ROR1: variants seen among roughly 807,000 people sequenced by gnomAD.
ROR1 encodes the protein ROR family WNT receptor 1.
In ROR1, 19 loss-of-function variants were observed where a neutral mutation model predicts 78.8. The ratio of observed to expected loss-of-function variants is 0.24; its 90% CI spans 0.17 to 0.35. The LOEUF (loss-of-function observed/expected upper bound fraction) is 0.35. Among genes scored for constraint, ROR1 ranks in the 10% least tolerant of loss-of-function variants. The probability of loss-of-function intolerance (pLI) is 1.00; values close to 1 mark genes in which losing one functional copy is unlikely to be tolerated. For synonymous variants in ROR1, 386 were observed against 433.6 expected (o/e 0.89, Z 1.36); for missense variants, 917 against 1,177.8 (o/e 0.78, Z 3.24).
At chr1:63,947,628 C>T (rs903224748) in intron 1 of ROR1, among the ~76,000 whole-genome samples, 2 of 152,076 alleles carry the variant, frequency 1.3e-5, no homozygotes, top group Admixed American at 6.6e-5. Context: ...GGGTGGCCGG[C>T]GGGAGGTGAT....
At chr1:64,167,764 C>T (rs1424354352) in intron 8 of ROR1, among the ~76,000 whole-genome samples, 3 of 152,180 alleles carry the variant, frequency 2.0e-5, no homozygotes, top group Non-Finnish European at 2.9e-5. Context: ...TTGCCATGGA[C>T]AGGTTTTGTT....
At chr1:63,880,903 T>C (rs547961678) in intron 1 of ROR1, among the ~76,000 whole-genome samples, 2 of 152,282 alleles carry the variant, frequency 1.3e-5, no homozygotes, top group African/African-American at 4.8e-5. Context: ...GCACTAGGAA[T>C]TCTTTAGGCC....
At chr1:63,954,664 T>A (rs915050374) in intron 1 of ROR1, among the ~76,000 whole-genome samples, 1 of 152,240 alleles carries the variant, frequency 6.6e-6, no homozygotes, top group Non-Finnish European at 1.5e-5. Context: ...TTTTTTCTTG[T>A]CATTACTTCC....
intron 4 of ROR1, among the ~76,000 whole-genome samples, chr1:64,094,137 C>A (rs1221013791): frequency 6.6e-6 from 1 of 152,176 alleles, no homozygotes; most frequent in East Asian, 1.9e-4. Flanking sequence ...ACTCATAATT[C>A]ATGAAATACT....
chr1:64,009,469 A>G lies in ROR1; in HGVS notation c.163+93A>G. 1.3e-5 allele frequency: 13 copies of G among 984,258 alleles called. No homozygotes were observed. In the South Asian group the frequency reaches 1.6e-4, roughly 12 times the overall value. The allele number at this position is 984,258 out of a possible 1,614,324, so 61.0% of individuals were successfully genotyped here. A position where few individuals can be genotyped will look rare whatever the true frequency, so the allele number is the denominator to read the frequency against. On this transcript the variant is annotated intron_variant, in intron 2 of 8. Coordinates refer to ENST00000371079, the MANE Select transcript of ROR1 (RefSeq NM_005012.4). ...CCTTCTTTGAAATCAACTGTTTTTC[A>G]GATCACTGCAAGGAGGTGGGGGCCA... is the stretch of plus-strand genomic sequence containing the variant.
chr1:64,067,813 A>C (rs144090669), intron 4 of ROR1, among the ~76,000 whole-genome samples: 23,423 of 151,162 alleles, frequency 0.15, 2,703 homozygotes, highest in African/African-American at 0.33. Flanking sequence ...CCCGGGTTCA[A>C]ACCATTCTCC....
rs58636835 is a variant in ROR1, at chr1:63,788,616, T to A, written c.91+14108T>A. ...TGACAGAGTGATCTAATATATATAT[T>A]ATATGTTATATATATATATATATTT... On this transcript the variant is annotated intron_variant, in intron 1 of 8. Transcript: ENST00000371079. 1,453 of 152,180 alleles carry A rather than the reference T, an allele frequency of 9.5e-3. 59 individuals carry two copies. The highest frequency in any genetic ancestry group is 0.091 in the East Asian group (474 of 5,222). The allele number at this position is 152,180 out of a possible 1,614,324, so 9.4% of individuals were successfully genotyped here.
chr1:63,795,208 G>A (rs1030505014), intron 1 of ROR1, among the ~76,000 whole-genome samples: 1 of 152,210 alleles, frequency 6.6e-6, no homozygotes, highest in Non-Finnish European at 1.5e-5. Context: ...AAGCCCCGCT[G>A]AGAGGGCTCT....
chr1:64,168,283 A>G (rs1650141802), intron 8 of ROR1, among the ~76,000 whole-genome samples: 1 of 152,208 alleles, frequency 6.6e-6, no homozygotes, highest in Non-Finnish European at 1.5e-5. Context: ...GGTGTGAGTC[A>G]TAGTTACCAA....
At chr1:64,068,530 C>T (rs1646976206) in intron 4 of ROR1, among the ~76,000 whole-genome samples, 1 of 150,678 alleles carries the variant, frequency 6.6e-6, no homozygotes, top group South Asian at 2.2e-4. Context: ...GTCAATGATT[C>T]TATTTGCACA....
intron 2 of ROR1, among the ~76,000 whole-genome samples, chr1:64,012,577 A>G (rs1646484777): frequency 6.6e-6 from 1 of 152,176 alleles, no homozygotes; most frequent in African/African-American, 2.4e-5. Context: ...AAAACCACAA[A>G]ACAACAATGG....
At chr1:64,006,441 G>C (rs1044990986) in intron 1 of ROR1, among the ~76,000 whole-genome samples, 20 of 152,258 alleles carry the variant, frequency 1.3e-4, no homozygotes, top group African/African-American at 4.6e-4. Flanking sequence ...ATGGGGCTCA[G>C]ACTGGAGTTG....
chr1:64,119,599 A>G (rs1397852885), intron 4 of ROR1, among the ~76,000 whole-genome samples: 1 of 145,022 alleles, frequency 6.9e-6, no homozygotes, highest in African/African-American at 2.6e-5. Flanking sequence ...AGACTGCGCC[A>G]TTGCACTCCA....
At chr1:64,068,890 T>C (rs1192604923) in intron 4 of ROR1, among the ~76,000 whole-genome samples, 1 of 152,218 alleles carries the variant, frequency 6.6e-6, no homozygotes, top group Non-Finnish European at 1.5e-5. Flanking sequence ...TCTTTTCAAG[T>C]TTCTCTTGTA....
rs186144748 is a variant in ROR1, at chr1:63,866,329, G to A, written c.91+91821G>A. On this transcript the variant is annotated intron_variant, in intron 1 of 8. Coordinates refer to ENST00000371079, the MANE Select transcript of ROR1 (RefSeq NM_005012.4). ...AAAACCCTCCATTCAAAGACTGCTC[G>A]TTTCCTGCTGGGGTAATCCAAGTAT... 7.2e-5 allele frequency among the ~76,000 whole-genome samples: 11 copies of A among 152,294 alleles called. No individual in the cohort carries two copies. In the South Asian group the frequency reaches 1.0e-3, roughly 14 times the overall value.
rs547430738 is a variant in ROR1, at chr1:64,015,428, C to G, written c.163+6052C>G. On this transcript the variant is annotated intron_variant, in intron 2 of 8. Coordinates refer to ENST00000371079, the MANE Select transcript of ROR1 (RefSeq NM_005012.4). Reference sequence around the variant, plus strand: ...CTCAGCCCCCTGGCCTGCCTCTTCCCTCGAAGCTTCACCATCAAGGCCTAT... The same window carrying G: ...CTCAGCCCCCTGGCCTGCCTCTTCCGTCGAAGCTTCACCATCAAGGCCTAT... 6.6e-5 allele frequency among the ~76,000 whole-genome samples: 10 copies of G among 152,320 alleles called. No individual in the cohort carries two copies. The East Asian group carries it at 1.9e-3, about 29-fold the overall frequency.
At chr1:64,064,929 T>C (rs569451606) in intron 4 of ROR1, among the ~76,000 whole-genome samples, 1 of 152,358 alleles carries the variant, frequency 6.6e-6, no homozygotes, top group Admixed American at 6.5e-5. Flanking sequence ...TTTGACTAGA[T>C]ACCCTGGTAT....
chr1:63,889,167 G>GGA (rs1468809330), intron 1 of ROR1, among the ~76,000 whole-genome samples: 1 of 152,100 alleles, frequency 6.6e-6, no homozygotes, highest in Non-Finnish European at 1.5e-5. Flanking sequence ...TGACAGAGGA[G>GGA]GAGAGAGAGA....
chr1:64,101,002 C>A (rs1394676984), intron 4 of ROR1, among the ~76,000 whole-genome samples: 4 of 152,286 alleles, frequency 2.6e-5, no homozygotes, highest in African/African-American at 9.6e-5. Flanking sequence ...AAGCCAGATG[C>A]TGGCACGTAG....
Sources: allele counts gnomAD v4.1 joint callset (sites outside exome capture counted in the v4.1 genomes callset), GRCh38; gene constraint gnomAD v4.1.1; transcripts MANE v1.5; gene names NCBI Gene and HGNC (gene_info 2026-07-23, HGNC 2026-07-21).